Variants in PSTPIP2 observed in about 807,000 individuals in gnomAD.
PSTPIP2 encodes the protein proline-serine-threonine phosphatase-interacting protein 2.
A neutral mutation model predicts 63.3 loss-of-function variants in PSTPIP2; 33 were observed. The observed-to-expected ratio is 0.52, with a 90% confidence interval of 0.40 to 0.70. The LOEUF is 0.70. Ranked by LOEUF, PSTPIP2 falls within the 30% of genes least tolerant of loss-of-function variation. The pLI is 0.00. For missense variants in PSTPIP2, 312 were observed against 400.7 expected, an observed-to-expected ratio of 0.78 and a Z score of 1.89; for synonymous variants, 125 against 132.7, an observed-to-expected ratio of 0.94 and a Z score of 0.40.
At chr18:46,010,983 A>T in intron 5 of PSTPIP2, 198 bp downstream of exon 5, 1 of 528,556 alleles carries the variant, frequency 1.9e-6, no homozygotes, top group Admixed American at 3.2e-5. Context: ...TGTGAACTTT[A>T]AAAAAGGACA....
chr18:46,058,299 A>G (rs1599747313), intron 1 of PSTPIP2, among the ~76,000 whole-genome samples: 1 of 152,076 alleles, frequency 6.6e-6, no homozygotes, highest in African/African-American at 2.4e-5. Flanking sequence ...TTTACTCCAT[A>G]TACATCTGTA....
rs1031865958 is a variant in PSTPIP2 at position 46,011,935 on chromosome 18, A to G, written c.248-648T>C. On this transcript the variant is annotated intron_variant, in intron 4 of 14. Coordinates refer to ENST00000409746, the MANE Select transcript of PSTPIP2 (RefSeq NM_024430.4). ...AGATTGATCTAAGAAAAAAATTTAA[A>G]CTTGTGGGTATCAAAACCTTGAAGA... Among the ~76,000 whole-genome samples the G allele has an allele frequency of 5.9e-5, 9 of 152,356 alleles. No homozygotes were observed. In the East Asian group the frequency reaches 1.3e-3, roughly 23 times the overall value.
At chr18:46,054,246 T>C (rs1022297118) in intron 1 of PSTPIP2, among the ~76,000 whole-genome samples, 2 of 152,182 alleles carry the variant, frequency 1.3e-5, no homozygotes, top group African/African-American at 4.8e-5. Flanking sequence ...TGCAGTCTCT[T>C]GTTGACCAAA....
At chr18:46,036,374 A>C (rs1458738100) in intron 2 of PSTPIP2, among the ~76,000 whole-genome samples, 5 of 152,150 alleles carry the variant, frequency 3.3e-5, no homozygotes, top group Non-Finnish European at 7.3e-5. Flanking sequence ...CATTTGCCTA[A>C]GGTCAGACAG....
At chr18:46,057,952 C>T (rs1225162780) in intron 1 of PSTPIP2, among the ~76,000 whole-genome samples, 1 of 143,936 alleles carries the variant, frequency 6.9e-6, no homozygotes, top group Non-Finnish European at 1.5e-5. Flanking sequence ...GAGCGGAGAT[C>T]GCACCACTGC....
intron 1 of PSTPIP2, among the ~76,000 whole-genome samples, chr18:46,057,275 A>C (rs1469155533): frequency 6.6e-6 from 1 of 152,034 alleles, no homozygotes; most frequent in East Asian, 1.9e-4. Context: ...GAAGGTGCAC[A>C]TGACTTAACC....
chr18:46,020,829 T>C (rs1907320406), intron 3 of PSTPIP2, among the ~76,000 whole-genome samples: 1 of 152,246 alleles, frequency 6.6e-6, no homozygotes, highest in South Asian at 2.1e-4. Flanking sequence ...GACTGGCTTT[T>C]ATCAAGCAAC....
intron 1 of PSTPIP2, among the ~76,000 whole-genome samples, chr18:46,062,902 T>G (rs888061294): frequency 1.3e-5 from 2 of 152,168 alleles, no homozygotes; most frequent in African/African-American, 2.4e-5. Flanking sequence ...TTAAGAAGAA[T>G]GTAGGACCCT....
intron 12 of PSTPIP2, 99 bp from the exon 13 acceptor site, chr18:45,990,855 G>C (rs1439140698): frequency 3.0e-6 from 3 of 998,524 alleles, no homozygotes; most frequent in Non-Finnish European, 4.4e-6. Context: ...AATCAGATCT[G>C]GTTTCTGCAC....
chr18:46,013,988 G>T (rs1431603224), intron 4 of PSTPIP2, among the ~76,000 whole-genome samples: 1 of 151,950 alleles, frequency 6.6e-6, no homozygotes, highest in African/African-American at 2.4e-5. Flanking sequence ...CTCCCACTGG[G>T]TTCTCCTCTT....
intron 9 of PSTPIP2, among the ~76,000 whole-genome samples, chr18:45,996,420 C>G (rs990213956): frequency 6.6e-6 from 1 of 152,154 alleles, no homozygotes; most frequent in Non-Finnish European, 1.5e-5. Context: ...GTCTGAGAAC[C>G]TGCATTTCTA....
chr18:46,061,171 G>T (rs1463568260), intron 1 of PSTPIP2, among the ~76,000 whole-genome samples: 1 of 152,078 alleles, frequency 6.6e-6, no homozygotes, highest in Non-Finnish European at 1.5e-5. Context: ...AGGCATGGTG[G>T]TGCGTGCCTG....
intron 6 of PSTPIP2, among the ~76,000 whole-genome samples, chr18:46,002,234 T>G (rs2144072250): frequency 6.6e-6 from 1 of 152,330 alleles, no homozygotes; most frequent in East Asian, 1.9e-4. Context: ...TTAATCAGCC[T>G]CTGGGATATA....
At chr18:46,035,482 T>C (rs1296895758) in intron 2 of PSTPIP2, among the ~76,000 whole-genome samples, 1 of 150,152 alleles carries the variant, frequency 6.7e-6, no homozygotes, top group East Asian at 2.0e-4. Flanking sequence ...TGACCTGGAC[T>C]TGGAAGGATG....
chr18:45,992,924 C>A lies in PSTPIP2; in HGVS notation c.741+681G>T, dbSNP rs138694055. The stretch of plus-strand genomic sequence containing the variant: ...CATTTTTAGTAGAGACGGGGTTTCA[C>A]CATGTTGGCCAGACTGGTCTCGAAC... On this transcript the variant is annotated intron_variant, in intron 10 of 14. Transcript: ENST00000409746. Among the ~76,000 whole-genome samples, 13 of 152,216 alleles carry A rather than the reference C, an allele frequency of 8.5e-5. 1 individual carries two copies. The highest frequency in any genetic ancestry group is 3.1e-4 in the African/African-American group (13 of 41,524).
At position 45,997,809 on chromosome 18, in the gene PSTPIP2, G is replaced by A; in HGVS notation, c.582C>T (p.His194=). The change falls in exon 9 of 15, where the codon CAC becomes CAT. Residue 194 remains histidine, a synonymous_variant. Transcript: ENST00000409746. ...CTCGGACCTTATCCAGGGTGCCGAT[G>A]TGCAGCATGTATGCTTTGTCTGCAA... ...VEDSDKAYML[H]IGTLDKVREE... 6.2e-7 allele frequency: 1 copy of A among 1,602,726 alleles called. No individual in the cohort carries two copies. Among genetic ancestry groups the A allele is most frequent in the Non-Finnish European group, 8.5e-7 (1 of 1,175,712 alleles).
At chr18:46,016,416 G>A (rs533171019) in intron 3 of PSTPIP2, among the ~76,000 whole-genome samples, 1 of 152,192 alleles carries the variant, frequency 6.6e-6, no homozygotes, top group African/African-American at 2.4e-5. Context: ...AGGCAACAAA[G>A]GAAGGGTTCA....
At chr18:46,039,825 A>G in intron 2 of PSTPIP2, 122 bp downstream of exon 2, 1 of 828,294 alleles carries the variant, frequency 1.2e-6, no homozygotes, top group Non-Finnish European at 2.0e-6. Flanking sequence ...TCATTCCATA[A>G]CCTAGAGCAG....
intron 1 of PSTPIP2, among the ~76,000 whole-genome samples, chr18:46,059,138 G>A (rs1160598909): frequency 6.6e-6 from 1 of 151,874 alleles, no homozygotes; most frequent in Non-Finnish European, 1.5e-5. Context: ...CCAGGTTCAA[G>A]TGATTCTTCT....
Sources: gnomAD v4.1 joint callset for allele counts (sites outside exome capture counted in the v4.1 genomes callset) on GRCh38, gnomAD v4.1.1 for gene constraint, MANE v1.5 for transcripts, NCBI Gene and HGNC (gene_info 2026-07-23, HGNC 2026-07-21) for gene names.